DDX60: variants seen among roughly 807,000 people sequenced by gnomAD.
DDX60 encodes the protein probable ATP-dependent RNA helicase DDX60.
Under a neutral mutation model 212.8 loss-of-function variants are expected in DDX60, and 165 were observed. The observed-to-expected ratio is 0.78, with a 90% confidence interval of 0.68 to 0.88. DDX60 has a LOEUF of 0.88. Ranked by LOEUF, DDX60 falls within the 40% of genes least tolerant of loss-of-function variation. DDX60 has a pLI of 0.00. For synonymous variants in DDX60, 703 were observed against 685.3 expected (o/e 1.03, Z -0.40); for missense variants, 1,905 against 2,003.9 (o/e 0.95, Z 0.94).
chr4:168,286,274 C>T (rs1414003317), intron 10 of DDX60, among the ~76,000 whole-genome samples: 1 of 151,192 alleles, frequency 6.6e-6, no homozygotes, highest in Non-Finnish European at 1.5e-5. Flanking sequence ...CATATACATA[C>T]ACATATACAA....
intron 6 of DDX60, among the ~76,000 whole-genome samples, chr4:168,298,273 A>G (rs1333450627): frequency 2.0e-5 from 3 of 152,180 alleles, no homozygotes. Flanking sequence ...CGTATCAGTC[A>G]TAACAGTAAA....
chr4:168,261,441 C>T (rs1734619304), intron 24 of DDX60, among the ~76,000 whole-genome samples: 1 of 150,820 alleles, frequency 6.6e-6, no homozygotes, highest in Non-Finnish European at 1.5e-5. Context: ...GGTATTACAA[C>T]AAAAAAAAAT....
At position 168,248,246 on chromosome 4, in the gene DDX60, C is replaced by T. The variant is rs1734090290; in HGVS notation, c.3905G>A (p.Cys1302Tyr). Residue 1302 changes from cysteine to tyrosine, a missense_variant, in exon 29 of 38, where the codon TGT becomes TAT. Transcript: ENST00000393743. The part of the protein sequence containing the change: ...GTLALGVNMP[C>Y]KSVVFAQNSV... ...GTTTTGAGCAAAAACCACAGATTTA[C>T]AAGGCATGTTGACACCTAAAGCAAG... 2 of 1,610,734 alleles carry T rather than the reference C, an allele frequency of 1.2e-6. No homozygotes were observed. Among genetic ancestry groups the T allele is most frequent in the South Asian group, 1.1e-5 (1 of 90,232 alleles).
chr4:168,275,986 T>G, intron 15 of DDX60, 29 bp downstream of exon 15: 2 of 1,561,372 alleles, frequency 1.3e-6, no homozygotes, highest in Non-Finnish European at 1.7e-6. Context: ...AATTACCCTG[T>G]TGAAATTGAG....
intron 18 of DDX60, among the ~76,000 whole-genome samples, chr4:168,272,694 C>G (rs555213867): frequency 9.2e-5 from 14 of 152,298 alleles, no homozygotes; most frequent in African/African-American, 3.1e-4. Flanking sequence ...GGAGGCAGAA[C>G]TGGGGGAGCT....
chr4:168,323,065 G>A (rs1737637378), upstream of DDX60, among the ~76,000 whole-genome samples: 2 of 152,174 alleles, frequency 1.3e-5, no homozygotes. Context: ...AGAACTACTG[G>A]TTAGGTCTCT....
intron 22 of DDX60, among the ~76,000 whole-genome samples, chr4:168,265,970 G>A (rs1029640098): frequency 1.3e-5 from 2 of 152,010 alleles, no homozygotes; most frequent in Admixed American, 1.3e-4. Context: ...TAGATTTGGG[G>A]TATGAGTTAA....
At chr4:168,284,675 C>A in intron 12 of DDX60, 145 bp downstream of exon 12, 1 of 472,662 alleles carries the variant, frequency 2.1e-6, no homozygotes. Flanking sequence ...TCATTACCAT[C>A]TTTCCCAATG....
At chr4:168,293,654 T>G (rs867286363) in intron 7 of DDX60, 133 bp downstream of exon 7, 2 of 817,014 alleles carry the variant, frequency 2.4e-6, no homozygotes, top group African/African-American at 3.5e-5. Context: ...CAAATTTCAG[T>G]TTTATTTTCT....
intron 35 of DDX60, 74 bp from the exon 36 acceptor site, chr4:168,221,955 G>A: frequency 6.9e-6 from 10 of 1,444,864 alleles, no homozygotes; most frequent in Non-Finnish European, 8.5e-6. Flanking sequence ...GTGGTGCTTT[G>A]TAGATACATC....
Position 168,268,849 on chromosome 4 carries a change from C to T in DDX60, c.2786+5G>A. ...ACTCTGTCCAAATTGAAACTTAATG[C>T]CTACTCGGTGAGATGTTCAGGATTA... is the stretch of plus-strand genomic sequence containing the variant. On this transcript the variant is annotated splice_donor_5th_base_variant and intron_variant, in intron 20 of 37. Coordinates refer to ENST00000393743, the MANE Select transcript of DDX60 (RefSeq NM_017631.6). The T allele has an allele frequency of 1.4e-6, 2 of 1,479,712 alleles. No individual in the cohort carries two copies. The highest frequency in any genetic ancestry group is 1.8e-6 in the Non-Finnish European group (2 of 1,082,776). The allele number at this position is 1,479,712 out of a possible 1,614,324, so 91.7% of individuals were successfully genotyped here. A position where few individuals can be genotyped will look rare whatever the true frequency, so the allele number is the denominator to read the frequency against.
intron 1 of DDX60, among the ~76,000 whole-genome samples, chr4:168,317,556 A>G (rs922514765): frequency 6.6e-6 from 1 of 152,172 alleles, no homozygotes; most frequent in Admixed American, 6.5e-5. Flanking sequence ...AAAGGCATCA[A>G]GCTCCTGAAA....
At chr4:168,315,217 T>C (rs892707660) in intron 1 of DDX60, among the ~76,000 whole-genome samples, 4 of 152,200 alleles carry the variant, frequency 2.6e-5, no homozygotes, top group African/African-American at 9.7e-5. Context: ...TACGAATTGA[T>C]TAAAATAATA....
At chr4:168,303,890 G>A (rs1736759862) in intron 5 of DDX60, among the ~76,000 whole-genome samples, 2 of 152,010 alleles carry the variant, frequency 1.3e-5, no homozygotes, top group South Asian at 2.1e-4. Context: ...GCTGAGGCAG[G>A]AGAATCGCTC....
Position 168,306,613 on chromosome 4 carries a change from C to G in DDX60, c.372G>C (p.Ser124=). ...NTTIDVRTTF[S]RCLSKEWGSF... ...TTCCCCACTCTTTTGATAAGCATCT[C>G]GAAAATGTTGTTCGAACATCAATGG... Residue 124 remains serine (S), a synonymous_variant, in exon 5 of 38, where the codon TCG becomes TCC. Transcript: ENST00000393743. 6.2e-7 allele frequency: 1 copy of G among 1,614,048 alleles called. No homozygotes were observed. Among genetic ancestry groups the G allele is most frequent in the Non-Finnish European group, 8.5e-7 (1 of 1,179,972 alleles).
chr4:168,262,461 A>C (rs1734660973), intron 23 of DDX60, among the ~76,000 whole-genome samples: 1 of 129,860 alleles, frequency 7.7e-6, no homozygotes, highest in Non-Finnish European at 1.6e-5. Context: ...AAAAGATTTC[A>C]AAAAAAAAAA....
At chr4:168,260,716 A>G in intron 25 of DDX60, 149 bp downstream of exon 25, 1 of 724,364 alleles carries the variant, frequency 1.4e-6, no homozygotes, top group Non-Finnish European at 2.3e-6. Flanking sequence ...TCGCTGGCCC[A>G]CCACTCACCT....
At chr4:168,297,374 GAAAGAAA>G (rs1736438456) in intron 6 of DDX60, among the ~76,000 whole-genome samples, 5 of 54,670 alleles carry the variant, frequency 9.1e-5, no homozygotes, top group African/African-American at 1.4e-4. Flanking sequence ...AAGAAAGAAA[GAAAGAAA>G]GAGAAAGAAA....
chr4:168,312,558 A>G (rs937912589), intron 1 of DDX60, among the ~76,000 whole-genome samples: 5 of 152,256 alleles, frequency 3.3e-5, no homozygotes, highest in African/African-American at 1.2e-4. Flanking sequence ...AGAAAATACT[A>G]AAGAGGTAGA....
Sources: gnomAD v4.1 joint callset for allele counts (sites outside exome capture counted in the v4.1 genomes callset) on GRCh38, gnomAD v4.1.1 for gene constraint, MANE v1.5 for transcripts, NCBI Gene and HGNC (gene_info 2026-07-23, HGNC 2026-07-21) for gene names.